Variants in ARHGAP31 observed in about 807,000 individuals in gnomAD.
ARHGAP31 encodes the protein rho GTPase-activating protein 31.
A neutral mutation model predicts 113.9 loss-of-function variants in ARHGAP31; 34 were observed. The observed-to-expected ratio is 0.30, with a 90% CI of 0.23 to 0.40. The LOEUF (loss-of-function observed/expected upper bound fraction) is 0.40, where lower values mean the gene tolerates loss of function less well. Among genes scored for constraint, ARHGAP31 ranks in the 10% least tolerant of loss-of-function variants. ARHGAP31 has a pLI of 1.00. For missense variants in ARHGAP31, 1,548 were observed against 1,767.1 expected, an observed-to-expected ratio of 0.88 and a Z score of 2.22; for synonymous variants, 650 against 684.8, an observed-to-expected ratio of 0.95 and a Z score of 0.79.
In ARHGAP31 at chr3:119,414,935, A is replaced by C; in HGVS notation, c.3006A>C (p.Lys1002Asn). ...GAGAGATTACTGGATGGGATGAGAA[A>C]GCCCTGAGGTCCTTCAGAGAGTTCT... ...PRREITGWDE[K>N]ALRSFREFSG... The change falls in exon 12 of 12, where the codon AAA (lysine) becomes AAC (asparagine). Residue 1002 changes from lysine to asparagine, a missense_variant. Physicochemically the swap from Lys to Asn is moderately conservative, Grantham distance 94. Transcript: ENST00000264245. The C allele has an allele frequency of 6.2e-7, 1 of 1,614,158 alleles. No homozygotes were observed. The highest frequency in any genetic ancestry group is 8.5e-7 in the Non-Finnish European group (1 of 1,180,014).
At chr3:119,408,060 GCAACCTAGAGA>G (rs2080681648) in intron 10 of ARHGAP31, among the ~76,000 whole-genome samples, 1 of 110,716 alleles carries the variant, frequency 9.0e-6, no homozygotes, top group Admixed American at 9.1e-5. Flanking sequence ...CTAGAGATAA[GCAACCTAGAGA>G]TAATATTACA....
chr3:119,354,476 TTGTGTGTG>T (rs5852200), intron 1 of ARHGAP31, among the ~76,000 whole-genome samples: 10,696 of 147,916 alleles, frequency 0.072, 473 homozygotes, highest in South Asian at 0.1. Flanking sequence ...TGTGTGTGGT[TTGTGTGTG>T]TGTGTGTGTG....
At chr3:119,364,012 G>C (rs1258800655) in intron 1 of ARHGAP31, among the ~76,000 whole-genome samples, 1 of 152,148 alleles carries the variant, frequency 6.6e-6, no homozygotes, top group Non-Finnish European at 1.5e-5. Context: ...CAAGTGATCT[G>C]CTGCTCTCTC....
At chr3:119,295,116 T>C (rs1275691307) in intron 1 of ARHGAP31, 112 bp downstream of exon 1, 2 of 931,828 alleles carry the variant, frequency 2.1e-6, no homozygotes, top group Non-Finnish European at 1.7e-6. Context: ...ATTCCAGGCC[T>C]GTGCGCTCAT....
intron 3 of ARHGAP31, among the ~76,000 whole-genome samples, chr3:119,379,976 C>G (rs2080381224): frequency 1.3e-5 from 2 of 152,194 alleles, no homozygotes; most frequent in African/African-American, 2.4e-5. Flanking sequence ...GGTCTGGGAC[C>G]AGGGGAATCT....
At chr3:119,347,038 G>A (rs2080065483) in intron 1 of ARHGAP31, among the ~76,000 whole-genome samples, 1 of 152,186 alleles carries the variant, frequency 6.6e-6, no homozygotes, top group African/African-American at 2.4e-5. Flanking sequence ...CTGGGAAGGA[G>A]AAAATAAATA....
At chr3:119,360,610 A>G (rs918330278) in intron 1 of ARHGAP31, among the ~76,000 whole-genome samples, 8 of 152,238 alleles carry the variant, frequency 5.3e-5, no homozygotes, top group Admixed American at 1.3e-4. Flanking sequence ...GACATGAGGA[A>G]AACATGCCAT....
chr3:119,390,648 C>T lies in ARHGAP31; in HGVS notation c.683-137C>T, dbSNP rs1186930215. 6 of 956,830 alleles carry T rather than the reference C, an allele frequency of 6.3e-6. No individual in the cohort carries two copies. In the East Asian group the frequency reaches 1.6e-4, roughly 25 times the overall value. The allele number at this position is 956,830 out of a possible 1,614,324, so 59.3% of individuals were successfully genotyped here. Reference sequence around the variant, plus strand: ...GGTGTGCAGCCTCAGCCCCAGGCCCCACCATGCCCAAGAGAAGCCAGGGTG... The same window carrying T: ...GGTGTGCAGCCTCAGCCCCAGGCCCTACCATGCCCAAGAGAAGCCAGGGTG... On this transcript the variant is annotated intron_variant, in intron 6 of 11. Transcript: ENST00000264245.
At chr3:119,312,707 A>G (rs1380204194) in intron 1 of ARHGAP31, among the ~76,000 whole-genome samples, 1 of 152,240 alleles carries the variant, frequency 6.6e-6, no homozygotes, top group Non-Finnish European at 1.5e-5. Context: ...TTATCAGTCT[A>G]GACAGATTCA....
chr3:119,404,105 G>C lies in ARHGAP31; in HGVS notation c.1645+1708G>C, dbSNP rs555601986. Among the ~76,000 whole-genome samples, 344 of 152,234 alleles carry C rather than the reference G, an allele frequency of 2.3e-3. 3 individuals carry two copies. The highest frequency in any genetic ancestry group is 3.4e-3 in the Middle Eastern group (1 of 294). ...AAAACGATGTCATGGGCTGGTGTGG[G>C]TCATGGGCAGCAAGATGTCATGGGC... On this transcript the variant is annotated intron_variant, in intron 10 of 11. Coordinates refer to ENST00000264245, the MANE Select transcript of ARHGAP31 (RefSeq NM_020754.4).
At chr3:119,365,057 G>A (rs2080241959) in intron 1 of ARHGAP31, among the ~76,000 whole-genome samples, 1 of 152,108 alleles carries the variant, frequency 6.6e-6, no homozygotes, top group Non-Finnish European at 1.5e-5. Flanking sequence ...TTGCGCCACT[G>A]CACTCCAGCC....
intron 6 of ARHGAP31, among the ~76,000 whole-genome samples, chr3:119,388,255 G>A (rs941454862): frequency 1.6e-4 from 23 of 145,102 alleles, no homozygotes; most frequent in Admixed American, 1.4e-3. Flanking sequence ...TTGCTATTAC[G>A]CATGACACAC....
chr3:119,365,843 G>A (rs2080248890), intron 2 of ARHGAP31, among the ~76,000 whole-genome samples: 1 of 152,108 alleles, frequency 6.6e-6, no homozygotes, highest in Admixed American at 6.5e-5. Context: ...CAAATTTGAT[G>A]TTTTGTCTGG....
At chr3:119,322,854 T>TGCC (rs1018044092) in intron 1 of ARHGAP31, 2 of 153,114 alleles carry the variant, frequency 1.3e-5, no homozygotes, top group Non-Finnish European at 2.9e-5. Flanking sequence ...GGAGAGGGGC[T>TGCC]CCCTTCAAAC....
In ARHGAP31 at chr3:119,320,703, TC is replaced by T. The variant is rs1376600154; in HGVS notation, c.100+25700del. ...AGAATCAGCTGCGATCTCATCATTT[TC>T]TTTTTGTGTATTCTAAAACTCAGAT... is the stretch of plus-strand genomic sequence containing the variant. On this transcript the variant is annotated intron_variant, in intron 1 of 11. Transcript: ENST00000264245. 1.3e-4 allele frequency among the ~76,000 whole-genome samples: 20 copies of T among 152,334 alleles called. 1 individual carries two copies. The highest frequency in any genetic ancestry group is 4.6e-4 in the African/African-American group (19 of 41,580).
At chr3:119,310,129 A>G (rs1358771004) in intron 1 of ARHGAP31, among the ~76,000 whole-genome samples, 1 of 152,236 alleles carries the variant, frequency 6.6e-6, no homozygotes, top group Non-Finnish European at 1.5e-5. Flanking sequence ...CCTCCCGTCA[A>G]GCTGACTGGC....
chr3:119,335,089 A>G (rs2079931136), intron 1 of ARHGAP31, among the ~76,000 whole-genome samples: 1 of 152,078 alleles, frequency 6.6e-6, no homozygotes, highest in South Asian at 2.1e-4. Flanking sequence ...TGGGAAAAAA[A>G]AAAGATCTAA....
intron 1 of ARHGAP31, among the ~76,000 whole-genome samples, chr3:119,337,630 A>G (rs528109361): frequency 2.0e-5 from 3 of 152,092 alleles, no homozygotes; most frequent in African/African-American, 7.2e-5. Flanking sequence ...CAGAGTGCAG[A>G]TTGGTCCGTT....
chr3:119,386,518 C>T (rs2080449720), intron 6 of ARHGAP31, among the ~76,000 whole-genome samples: 1 of 152,220 alleles, frequency 6.6e-6, no homozygotes, highest in Non-Finnish European at 1.5e-5. Context: ...CTAAAGACCT[C>T]ACCTCTTAAT....
Sources: gnomAD v4.1 joint callset for allele counts (sites outside exome capture counted in the v4.1 genomes callset) on GRCh38, gnomAD v4.1.1 for gene constraint, MANE v1.5 for transcripts, NCBI Gene and HGNC (gene_info 2026-07-23, HGNC 2026-07-21) for gene names.